Variants in RTTN observed in about 807,000 individuals in gnomAD.
The protein encoded by RTTN is rotatin.
A neutral mutation model predicts 269.2 loss-of-function variants in RTTN; 182 were observed. The ratio of observed to expected loss-of-function variants is 0.68; its 90% CI spans 0.60 to 0.76. RTTN has a LOEUF of 0.76. Among genes scored for constraint, RTTN ranks in the 30% least tolerant of loss-of-function variants. RTTN has a pLI of 0.00. For synonymous variants in RTTN, 1,006 were observed against 963.5 expected, an observed-to-expected ratio of 1.04 and a Z score of -0.82; for missense variants, 2,545 against 2,608.6, an observed-to-expected ratio of 0.98 and a Z score of 0.53.
chr18:70,195,044 T>TCC (rs1479629549), intron 7 of RTTN, among the ~76,000 whole-genome samples: 3 of 152,180 alleles, frequency 2.0e-5, no homozygotes, highest in South Asian at 2.1e-4. Flanking sequence ...CAAGAGCTTC[T>TCC]CACTACACTT....
intron 36 of RTTN, among the ~76,000 whole-genome samples, chr18:70,059,422 T>C (rs542866319): frequency 1.6e-4 from 24 of 152,328 alleles, no homozygotes; most frequent in African/African-American, 5.8e-4. Context: ...AAAAGTTTAA[T>C]TTCCCTTAAC....
At chr18:70,027,242 T>A (rs58231759) in intron 43 of RTTN, among the ~76,000 whole-genome samples, 1 of 152,100 alleles carries the variant, frequency 6.6e-6, no homozygotes, top group African/African-American at 2.4e-5. Context: ...AACAGCAGGG[T>A]GGGGTGGCAG....
Position 70,065,964 on chromosome 18 carries a change from C to T in RTTN, c.4654-42G>A, listed in dbSNP as rs187320727. On this transcript the variant is annotated intron_variant, in intron 34 of 48. Transcript: ENST00000640769. ...TATTTTACTTATTAATGTTACAGTA[C>T]GGAAAATGAAACACAGGCAACATAC... 8.8e-4 allele frequency: 1,239 copies of T among 1,403,676 alleles called. 6 individuals are homozygous for T. Among genetic ancestry groups the T allele is most frequent in the South Asian group, 2.5e-3 (179 of 70,536 alleles). The allele number at this position is 1,403,676 out of a possible 1,614,324, so 87.0% of individuals were successfully genotyped here.
chr18:70,096,089 G>A lies in RTTN; in HGVS notation c.3904-3285C>T, dbSNP rs189134160. 1.2e-4 allele frequency among the ~76,000 whole-genome samples: 18 copies of A among 149,668 alleles called. No individual in the cohort carries two copies. In the East Asian group the frequency reaches 1.6e-3, roughly 13 times the overall value. On this transcript the variant is annotated intron_variant, in intron 28 of 48. Coordinates refer to ENST00000640769, the MANE Select transcript of RTTN (RefSeq NM_173630.4). The stretch of plus-strand genomic sequence containing the variant: ...ATCCTTTCTTCTGATTCATCGATTC[G>A]GCTATTGATACTCATGTATGTGTCA...
At position 70,109,680 on chromosome 18, in the gene RTTN, G is replaced by C; in HGVS notation, c.3721C>G (p.Leu1241Val). Residue 1241 changes from leucine (L) to valine (V), a missense_variant, in exon 28 of 49, where the codon CTG (leucine) becomes GTG (valine). Leu to Val is a conservative substitution (Grantham distance 32, BLOSUM62 1). Transcript: ENST00000640769. The stretch of plus-strand genomic sequence containing the variant: ...AGACACTGGAGCAGTTTCAGAGCCA[G>C]CTGCGTTTGAAAAACGTAAAGAAGT... The part of the protein sequence containing the change: ...SELLYVFQTQ[L>V]ALKLLQCLKV... 1 of 1,614,096 alleles carries C rather than the reference G, an allele frequency of 6.2e-7. No homozygotes were observed. The highest frequency in any genetic ancestry group is 1.7e-5 in the Admixed American group (1 of 60,020).
intron 37 of RTTN, among the ~76,000 whole-genome samples, chr18:70,055,249 T>A (rs1034475811): frequency 2.0e-5 from 3 of 152,152 alleles, no homozygotes; most frequent in Admixed American, 2.0e-4. Flanking sequence ...ATGAGCCAGT[T>A]ACATATAAGT....
intron 36 of RTTN, among the ~76,000 whole-genome samples, chr18:70,058,901 A>G (rs1354118026): frequency 6.6e-6 from 1 of 152,230 alleles, no homozygotes; most frequent in African/African-American, 2.4e-5. Flanking sequence ...AACAAGGAAT[A>G]CTTCTTTTAG....
chr18:70,038,356 T>C (rs2144691227), intron 40 of RTTN, among the ~76,000 whole-genome samples: 1 of 152,284 alleles, frequency 6.6e-6, no homozygotes, highest in South Asian at 2.1e-4. Context: ...CCAGTGGTGG[T>C]AGCCACAGGG....
chr18:70,166,086 G>C lies in RTTN; in HGVS notation c.1905C>G (p.Tyr635Ter), dbSNP rs1568494613. ...HPLPRVKAET[Y>*]HCCLEITKEC... ...CCTTCGTGATTTCCAGACAGCAGTG[G>C]TAAGTTTCAGCTTTCACTCGTGGCA... Residue 635 changes from tyrosine (Y) to a stop codon, truncating the protein, a stop_gained, in exon 14 of 49, where the codon TAC becomes TAG. Transcript: ENST00000640769. LOFTEE classifies it high-confidence loss of function. 6.2e-7 allele frequency: 1 copy of C among 1,613,754 alleles called. No individual in the cohort carries two copies. The highest frequency in any genetic ancestry group is 2.2e-5 in the East Asian group (1 of 44,850).
At chr18:70,088,766 C>T (rs753795132) in intron 30 of RTTN, among the ~76,000 whole-genome samples, 1 of 152,008 alleles carries the variant, frequency 6.6e-6, no homozygotes, top group African/African-American at 2.4e-5. Flanking sequence ...TTTAAAAATG[C>T]AGTCATAAAA....
intron 28 of RTTN, among the ~76,000 whole-genome samples, chr18:70,099,532 C>T (rs182126397): frequency 1.3e-5 from 2 of 152,152 alleles, no homozygotes; most frequent in East Asian, 3.9e-4. Context: ...CTGTAGGTTG[C>T]CTGTTCACTC....
At chr18:70,075,789 C>A (rs1481490879) in intron 32 of RTTN, among the ~76,000 whole-genome samples, 1 of 151,996 alleles carries the variant, frequency 6.6e-6, no homozygotes, top group Non-Finnish European at 1.5e-5. Context: ...GGGGCCATTT[C>A]ATTTAAAATG....
At chr18:70,197,205 C>T (rs779967697) in intron 6 of RTTN, among the ~76,000 whole-genome samples, 1 of 152,034 alleles carries the variant, frequency 6.6e-6, no homozygotes, top group East Asian at 1.9e-4. Context: ...ACTATACAAG[C>T]AATAAACTAG....
At chr18:70,128,107 A>C in intron 24 of RTTN, 2 of 443,326 alleles carry the variant, frequency 4.5e-6, no homozygotes, top group Non-Finnish European at 4.0e-6. Context: ...ATCTACGAAC[A>C]AATCAGACTT....
rs771735404 is a variant in RTTN at position 70,148,970 on chromosome 18, G to A, written c.2240C>T (p.Thr747Ile). 1 of 1,613,662 alleles carries A rather than the reference G, an allele frequency of 6.2e-7. No homozygotes were observed. Among genetic ancestry groups the A allele is most frequent in the South Asian group, 1.1e-5 (1 of 91,064 alleles). Residue 747 changes from threonine to isoleucine, a missense_variant, in exon 17 of 49, where the codon ACA becomes ATA. By Grantham distance (89) the Thr-to-Ile change is moderately conservative (BLOSUM62 -1). Coordinates refer to ENST00000640769, the MANE Select transcript of RTTN (RefSeq NM_173630.4). ...ILLLSKASSD[T>I]EEMLPCTTRL... ...GGTAGTACACGGAAGCATCTCTTCT[G>A]TGTCAGAACTTGCTTTGCTTAGAAG...
intron 11 of RTTN, among the ~76,000 whole-genome samples, chr18:70,175,073 A>G (rs764228695): frequency 3.3e-5 from 5 of 151,028 alleles, no homozygotes; most frequent in East Asian, 1.9e-4. Flanking sequence ...AAAAGAATAA[A>G]TAACTTTTAT....
chr18:70,009,023 G>A (rs2056286816), intron 46 of RTTN: 1 of 152,204 alleles, frequency 6.6e-6, no homozygotes. Flanking sequence ...GAAAGGTCGG[G>A]TTACCCACCA....
intron 28 of RTTN, among the ~76,000 whole-genome samples, chr18:70,096,751 T>C (rs1057340495): frequency 3.9e-5 from 6 of 152,146 alleles, no homozygotes; most frequent in African/African-American, 1.4e-4. Flanking sequence ...GGGAGGTGTC[T>C]CCCAGTCAGG....
chr18:70,067,218 G>A (rs1432731861), intron 34 of RTTN, among the ~76,000 whole-genome samples: 2 of 148,742 alleles, frequency 1.3e-5, no homozygotes, highest in Non-Finnish European at 3.0e-5. Flanking sequence ...GGAGTGCAGT[G>A]GCACGATCTC....
Sources: gnomAD v4.1 joint callset for allele counts (sites outside exome capture counted in the v4.1 genomes callset) on GRCh38, gnomAD v4.1.1 for gene constraint, MANE v1.5 for transcripts, NCBI Gene and HGNC (gene_info 2026-07-23, HGNC 2026-07-21) for gene names.